Variants in DPY19L4 observed in about 807,000 individuals in gnomAD.
DPY19L4 encodes the protein dpy-19 like 4, also known as probable C-mannosyltransferase DPY19L4.
In DPY19L4, 97 loss-of-function variants were observed where a neutral mutation model predicts 102.8. That is an observed-to-expected ratio of 0.94 (90% CI 0.80 to 1.12). The LOEUF is 1.12. Ranked by LOEUF, DPY19L4 falls within the 50% of genes most tolerant of loss-of-function variation. The pLI, the probability that DPY19L4 is intolerant of heterozygous loss-of-function variation, is 0.00. For synonymous variants in DPY19L4, 252 were observed against 283.1 expected, an observed-to-expected ratio of 0.89 and a Z score of 1.10; for missense variants, 815 against 850.4, an observed-to-expected ratio of 0.96 and a Z score of 0.52.
intron 17 of DPY19L4, among the ~76,000 whole-genome samples, chr8:94,785,983 G>T (rs1563619655): frequency 6.6e-6 from 1 of 152,044 alleles, no homozygotes; most frequent in Non-Finnish European, 1.5e-5. Context: ...TATGTAACTT[G>T]TCTATGAGAA....
At chr8:94,756,799 G>A (rs1375684389) in intron 7 of DPY19L4, among the ~76,000 whole-genome samples, 7 of 144,532 alleles carry the variant, frequency 4.8e-5, no homozygotes, top group Admixed American at 1.3e-4. Flanking sequence ...TGAGAGGGGC[G>A]GACCCACCTG....
intron 3 of DPY19L4, among the ~76,000 whole-genome samples, chr8:94,735,976 T>C (rs1483114127): frequency 6.6e-6 from 1 of 152,198 alleles, no homozygotes; most frequent in African/African-American, 2.4e-5. Context: ...CAAAGTACCA[T>C]AAGCTTATAA....
At chr8:94,780,333 TA>T (rs1395524953) in intron 14 of DPY19L4, 25 bp from the exon 15 acceptor site, 1 of 1,444,452 alleles carries the variant, frequency 6.9e-7, no homozygotes, top group South Asian at 1.7e-5. Flanking sequence ...TATTTATTTG[TA>T]ATCCTTTTTG....
At chr8:94,766,822 C>A (rs563524255) in intron 11 of DPY19L4, 137 bp downstream of exon 11, 18 of 674,532 alleles carry the variant, frequency 2.7e-5, no homozygotes, top group Middle Eastern at 8.3e-4. Context: ...TGGATTGTGA[C>A]CACTTGAGTC....
intron 3 of DPY19L4, among the ~76,000 whole-genome samples, 159 bp from the exon 4 acceptor site, chr8:94,738,210 C>T (rs1009770402): frequency 1.4e-5 from 2 of 147,478 alleles, no homozygotes; most frequent in East Asian, 2.1e-4. Flanking sequence ...CCCAGCTACT[C>T]GGGAGGCTGA....
rs1028590355 is a variant in DPY19L4, at chr8:94,772,638, G to A, written c.1454+2067G>A. On this transcript the variant is annotated intron_variant, in intron 13 of 18. Coordinates refer to ENST00000414645, the MANE Select transcript of DPY19L4 (RefSeq NM_181787.3). Reference sequence around the variant, plus strand: ...CTTTGTGTTTAGGGTTTGTATTGGGGCTCAGTCATATATATGTGGTTGACC... The same window carrying A: ...CTTTGTGTTTAGGGTTTGTATTGGGACTCAGTCATATATATGTGGTTGACC... Among the ~76,000 whole-genome samples, 3 of 152,294 alleles carry A rather than the reference G, an allele frequency of 2.0e-5. No individual in the cohort carries two copies. In the East Asian group the frequency reaches 5.8e-4, roughly 29 times the overall value.
chr8:94,720,266 A>G (rs2130770678), intron 1 of DPY19L4: 3 of 985,326 alleles, frequency 3.0e-6, no homozygotes, highest in South Asian at 4.7e-5. Context: ...ATCCGTAGCA[A>G]GAGAGAAAGC....
At chr8:94,758,763 C>T (rs1056177857) in intron 7 of DPY19L4, among the ~76,000 whole-genome samples, 15 of 149,214 alleles carry the variant, frequency 1.0e-4, no homozygotes, top group Non-Finnish European at 1.9e-4. Flanking sequence ...GACGGAGTCT[C>T]TTGCTCTGTT....
chr8:94,768,531 C>A lies in DPY19L4; in HGVS notation c.1312C>A (p.Gln438Lys). 1 of 1,536,988 alleles carries A rather than the reference C, an allele frequency of 6.5e-7. No individual in the cohort carries two copies. Among genetic ancestry groups the A allele is most frequent in the Non-Finnish European group, 8.9e-7 (1 of 1,124,008 alleles). Reference sequence around the variant, plus strand: ...AATTATTTGTTTTCTTTCTATGTTGCAAGTTATTTTTAGGAGGATTAAGTA... The same window carrying A: ...AATTATTTGTTTTCTTTCTATGTTGAAAGTTATTTTTAGGAGGATTAAGTA... The part of the protein sequence containing the change: ...VLIICFLSML[Q>K]VIFRRINGKS... The change falls in exon 12 of 19, where the codon CAA becomes AAA. Residue 438 changes from glutamine (Q) to lysine (K), a missense_variant. Physicochemically the swap from Gln to Lys is moderately conservative, Grantham distance 53 (BLOSUM62 1). Transcript: ENST00000414645.
intron 6 of DPY19L4, chr8:94,744,365 G>A (rs887351550): frequency 4.4e-6 from 2 of 456,560 alleles, no homozygotes; most frequent in African/African-American, 4.0e-5. Context: ...CTTGGCAGCT[G>A]GTCTCCCTTA....
At chr8:94,779,510 G>A (rs1482726119) in intron 14 of DPY19L4, among the ~76,000 whole-genome samples, 1 of 129,014 alleles carries the variant, frequency 7.8e-6, no homozygotes, top group Non-Finnish European at 1.7e-5. Flanking sequence ...TTTTTTTTTT[G>A]TAGAGACAGG....
intron 13 of DPY19L4, 21 bp from the exon 14 acceptor site, chr8:94,777,645 G>T (rs1171239673): frequency 1.2e-6 from 2 of 1,607,314 alleles, no homozygotes; most frequent in South Asian, 2.2e-5. Context: ...TCTCATGTAT[G>T]ACTCCATTTG....
rs562319582 is a variant in DPY19L4 at position 94,790,132 on chromosome 8, A to G, written c.*222A>G. ...TCTACCACTCTGCAATATTCCAGAC[A>G]GGTGTCTTCCTTACCGTTACATGGT... is the stretch of plus-strand genomic sequence containing the variant. On this transcript the variant is annotated 3_prime_UTR_variant, in exon 19 of 19. Coordinates refer to ENST00000414645, the MANE Select transcript of DPY19L4 (RefSeq NM_181787.3). 2.6e-6 allele frequency: 1 copy of G among 385,956 alleles called. No homozygotes were observed. The highest frequency in any genetic ancestry group is 4.6e-6 in the Non-Finnish European group (1 of 218,166). 23.9% of individuals were successfully genotyped at this position (385,956 alleles called of 1,614,324 possible).
intron 6 of DPY19L4, among the ~76,000 whole-genome samples, chr8:94,741,239 A>G (rs189473822): frequency 4.5e-4 from 68 of 152,298 alleles, no homozygotes; most frequent in African/African-American, 1.6e-3. Context: ...TCTCCATTGA[A>G]TAGTTATGTT....
intron 11 of DPY19L4, among the ~76,000 whole-genome samples, chr8:94,767,741 A>G (rs1201791407): frequency 6.6e-6 from 1 of 152,186 alleles, no homozygotes; most frequent in Non-Finnish European, 1.5e-5. Flanking sequence ...TACATTTGTC[A>G]ATATACAGTA....
At chr8:94,749,458 A>C (rs1811823895) in intron 6 of DPY19L4, among the ~76,000 whole-genome samples, 1 of 152,192 alleles carries the variant, frequency 6.6e-6, no homozygotes. Context: ...AGTGGAGGAC[A>C]TTTATAACCT....
chr8:94,766,689 A>C lies in DPY19L4; in HGVS notation c.1175+4A>C, dbSNP rs914897545. On this transcript the variant is annotated splice_donor_region_variant and intron_variant, in intron 11 of 18. Coordinates refer to ENST00000414645, the MANE Select transcript of DPY19L4 (RefSeq NM_181787.3). ...AATTTGGACTAAATATGACCAAGTA[A>C]GTTTTAGATTATGTAAGTTTACCTA... 1.9e-6 allele frequency: 3 copies of C among 1,608,870 alleles called. No individual in the cohort carries two copies. The highest frequency in any genetic ancestry group is 2.5e-6 in the Non-Finnish European group (3 of 1,176,934).
chr8:94,724,615 A>G (rs1234257426), intron 1 of DPY19L4, among the ~76,000 whole-genome samples: 1 of 152,040 alleles, frequency 6.6e-6, no homozygotes, highest in Admixed American at 6.6e-5. Context: ...TTTGAGACGG[A>G]GTCTCCCTCT....
chr8:94,787,936 A>G lies in DPY19L4; in HGVS notation c.1891A>G (p.Lys631Glu). Residue 631 changes from lysine (K) to glutamate (E), a missense_variant, in exon 18 of 19, where the codon AAA becomes GAA. Transcript: ENST00000414645. Reference sequence around the variant, plus strand: ...AAAGCGATCTGCTGAGGATATTTATAAAATACTGACATCTTACAAAGCTAA... The same window carrying G: ...AAAGCGATCTGCTGAGGATATTTATGAAATACTGACATCTTACAAAGCTAA... ...YSKRSAEDIY[K>E]ILTSYKANYL... The G allele has an allele frequency of 1.4e-6, 2 of 1,479,354 alleles. No individual in the cohort carries two copies. The highest frequency in any genetic ancestry group is 2.6e-5 in the East Asian group (1 of 37,740). The allele number at this position is 1,479,354 out of a possible 1,614,324, so 91.6% of individuals were successfully genotyped here. A position where few individuals can be genotyped will look rare whatever the true frequency, so the allele number is the denominator to read the frequency against.
Sources: gnomAD v4.1 joint callset for allele counts (sites outside exome capture counted in the v4.1 genomes callset) on GRCh38, gnomAD v4.1.1 for gene constraint, MANE v1.5 for transcripts, NCBI Gene and HGNC (gene_info 2026-07-23, HGNC 2026-07-21) for gene names.